The following CDYL variants were observed in gnomAD, a reference collection of about 807,000 sequenced individuals.
CDYL encodes the protein chromodomain Y like.
In CDYL, 8 loss-of-function variants were observed where a neutral mutation model predicts 47.3. The ratio of observed to expected loss-of-function variants is 0.17; its 90% CI spans 0.10 to 0.31. The LOEUF is 0.31. Among genes scored for constraint, CDYL ranks in the 10% least tolerant of loss-of-function variants. The probability of loss-of-function intolerance (pLI) is 1.00; values close to 1 mark genes in which losing one functional copy is unlikely to be tolerated. For synonymous variants in CDYL, 266 were observed against 265.0 expected (o/e 1.00, Z -0.04); for missense variants, 471 against 701.4 (o/e 0.67, Z 3.71).
chr6:4,799,259 G>A lies in CDYL; in HGVS notation c.24+22452G>A, dbSNP rs573300589. Reference sequence around the variant, plus strand: ...GATTTTGAATTCCATTGTAGTCAAAGCACATTTCCTATAAGATTTCAGTTT... The same window carrying A: ...GATTTTGAATTCCATTGTAGTCAAAACACATTTCCTATAAGATTTCAGTTT... On this transcript the variant is annotated intron_variant, in intron 1 of 6. Transcript: ENST00000397588. Among the ~76,000 whole-genome samples, 7 of 152,234 alleles carry A rather than the reference G, an allele frequency of 4.6e-5. 1 individual carries two copies. In the East Asian group the frequency reaches 9.6e-4, roughly 21 times the overall value.
chr6:4,822,635 A>G (rs1759873906), intron 1 of CDYL, among the ~76,000 whole-genome samples: 1 of 152,178 alleles, frequency 6.6e-6, no homozygotes. Context: ...AATGTGTCAA[A>G]GTATGTGTGT....
intron 2 of CDYL, among the ~76,000 whole-genome samples, chr6:4,721,175 A>AT (rs1191778670): frequency 6.6e-6 from 1 of 152,218 alleles, no homozygotes; most frequent in African/African-American, 2.4e-5. Context: ...ATAAACTATT[A>AT]TTTTAACTGC....
At chr6:4,727,728 G>A (rs1345001396) in intron 2 of CDYL, among the ~76,000 whole-genome samples, 1 of 152,012 alleles carries the variant, frequency 6.6e-6, no homozygotes, top group African/African-American at 2.4e-5. Context: ...TGCCCTTTGG[G>A]GTGGGATGCC....
At chr6:4,710,379 G>GGGAC (rs1554130869) in intron 1 of CDYL, among the ~76,000 whole-genome samples, 1 of 101,274 alleles carries the variant, frequency 9.9e-6, no homozygotes, top group South Asian at 4.2e-4. Context: ...GAGGGAGGGA[G>GGGAC]GGAAGGAAGG....
chr6:4,786,638 C>G (rs1290670479), intron 1 of CDYL, among the ~76,000 whole-genome samples: 1 of 152,102 alleles, frequency 6.6e-6, no homozygotes, highest in Non-Finnish European at 1.5e-5. Flanking sequence ...GTTTTTATCT[C>G]GAGTCTCGCT....
At chr6:4,862,960 A>G (rs1761215260) in intron 1 of CDYL, among the ~76,000 whole-genome samples, 1 of 152,220 alleles carries the variant, frequency 6.6e-6, no homozygotes, top group Non-Finnish European at 1.5e-5. Flanking sequence ...TTAAGTGCCT[A>G]TCAACAGTGT....
intron 1 of CDYL, among the ~76,000 whole-genome samples, chr6:4,884,154 A>G (rs1761839176): frequency 6.6e-6 from 1 of 152,212 alleles, no homozygotes; most frequent in Non-Finnish European, 1.5e-5. Context: ...TTGGGCCAAG[A>G]CACAGTTCGT....
chr6:4,721,462 A>C (rs1428769128), intron 2 of CDYL, among the ~76,000 whole-genome samples: 1 of 152,106 alleles, frequency 6.6e-6, no homozygotes. Context: ...AGCTCATTGC[A>C]ACCTCCGACT....
At chr6:4,894,883 G>GTGTGTATATACACACATGTGTA (rs1561692330) in intron 2 of CDYL, among the ~76,000 whole-genome samples, 3 of 146,176 alleles carry the variant, frequency 2.1e-5, no homozygotes, top group African/African-American at 8.2e-5. Flanking sequence ...ACATGTGTAT[G>GTGTGTATATACACACATGTGTA]TGTGTGTATA....
chr6:4,867,844 T>C (rs544609014), intron 1 of CDYL, among the ~76,000 whole-genome samples: 11 of 151,678 alleles, frequency 7.3e-5, no homozygotes, highest in South Asian at 2.1e-4. Flanking sequence ...TGGTAACTTA[T>C]AGTTTCCTAG....
intron 2 of CDYL, chr6:4,928,561 G>A (rs1244881604): frequency 6.6e-6 from 1 of 151,984 alleles, no homozygotes; most frequent in African/African-American, 2.4e-5. Flanking sequence ...ATGAGTAATG[G>A]GTAAAATTGG....
At chr6:4,819,131 T>TCTCTCTCA (rs1759755654) in intron 1 of CDYL, among the ~76,000 whole-genome samples, 1 of 135,808 alleles carries the variant, frequency 7.4e-6, no homozygotes, top group South Asian at 2.3e-4. Flanking sequence ...TCTCTCTCTC[T>TCTCTCTCA]CTCTCTCTCT....
At chr6:4,916,605 TC>T (rs1203156152) in intron 2 of CDYL, among the ~76,000 whole-genome samples, 2 of 34,492 alleles carry the variant, frequency 5.8e-5, no homozygotes, top group South Asian at 9.1e-4. Context: ...ACCAGATGTA[TC>T]GGGGGGGGGC....
intron 2 of CDYL, among the ~76,000 whole-genome samples, chr6:4,918,009 TC>T (rs1382217913): frequency 6.6e-6 from 1 of 152,234 alleles, no homozygotes; most frequent in Non-Finnish European, 1.5e-5. Flanking sequence ...GATAGTATCT[TC>T]CTTTAATATC....
intron 2 of CDYL, among the ~76,000 whole-genome samples, chr6:4,932,444 C>T (rs1239878040): frequency 2.6e-5 from 4 of 152,162 alleles, no homozygotes; most frequent in Non-Finnish European, 5.9e-5. Context: ...AAAGGCCCCA[C>T]CTCCTCAGAC....
At chr6:4,823,841 T>G (rs1302564215) in intron 1 of CDYL, among the ~76,000 whole-genome samples, 1 of 152,236 alleles carries the variant, frequency 6.6e-6, no homozygotes, top group African/African-American at 2.4e-5. Context: ...TCCAAAACTC[T>G]TTAATTTCCC....
chr6:4,902,765 C>CTT (rs1757108184), intron 2 of CDYL, among the ~76,000 whole-genome samples: 3 of 152,156 alleles, frequency 2.0e-5, no homozygotes, highest in Non-Finnish European at 1.5e-5. Context: ...CTCCAAGGCT[C>CTT]TTTTGCCTTG....
At chr6:4,784,206 C>T (rs1758694117) in intron 1 of CDYL, among the ~76,000 whole-genome samples, 2 of 152,124 alleles carry the variant, frequency 1.3e-5, no homozygotes, top group African/African-American at 2.4e-5. Flanking sequence ...ACCTAATCTG[C>T]AATTCGTTTT....
At chr6:4,838,795 T>C (rs1760401247) in intron 1 of CDYL, among the ~76,000 whole-genome samples, 1 of 152,048 alleles carries the variant, frequency 6.6e-6, no homozygotes, top group Non-Finnish European at 1.5e-5. Flanking sequence ...CAAGCGATTC[T>C]CCTGCCTCAG....
Sources: allele counts gnomAD v4.1 joint callset (sites outside exome capture counted in the v4.1 genomes callset), GRCh38; gene constraint gnomAD v4.1.1; transcripts MANE v1.5; gene names NCBI Gene and HGNC (gene_info 2026-07-23, HGNC 2026-07-21).